The following IHO1 variants were observed in gnomAD, a reference collection of about 807,000 sequenced individuals.
The protein encoded by IHO1 is interactor of HORMAD1 protein 1.
A neutral mutation model predicts 31.0 loss-of-function variants in IHO1; 13 were observed. The observed-to-expected ratio is 0.42, with a 90% CI of 0.27 to 0.67. The LOEUF is 0.67. IHO1 is among the 30% of genes least tolerant of loss of function. The pLI is 0.24. For synonymous variants in IHO1, 221 were observed against 248.4 expected (o/e 0.89, Z 1.04); for missense variants, 599 against 687.5 (o/e 0.87, Z 1.44).
chr3:49,244,767 G>A (rs1479961236), intron 6 of IHO1, 34 bp downstream of exon 6: 4 of 1,547,908 alleles, frequency 2.6e-6, no homozygotes, highest in Non-Finnish European at 3.6e-6. Context: ...TCAGCAGAGG[G>A]CACTGGTGAA....
intron 2 of IHO1, chr3:49,214,026 A>G (rs762324759): frequency 3.2e-5 from 11 of 340,984 alleles, no homozygotes; most frequent in African/African-American, 1.7e-4. Flanking sequence ...TCTTCTCTTC[A>G]TCTCTTCTGT....
chr3:49,255,945 C>T (rs915241441), intron 7 of IHO1, among the ~76,000 whole-genome samples, 189 bp from the exon 8 acceptor site: 5 of 152,094 alleles, frequency 3.3e-5, no homozygotes, highest in Non-Finnish European at 7.4e-5. Flanking sequence ...CTTCCTTCCC[C>T]AAGGTTCCTT....
At chr3:49,207,905 C>G (rs1456628480) in intron 1 of IHO1, among the ~76,000 whole-genome samples, 1 of 151,944 alleles carries the variant, frequency 6.6e-6, no homozygotes, top group Non-Finnish European at 1.5e-5. Flanking sequence ...TCCTGAGTAG[C>G]TGGGACTACA....
chr3:49,240,234 CT>C (rs1351273961), intron 3 of IHO1, among the ~76,000 whole-genome samples: 1 of 151,476 alleles, frequency 6.6e-6, no homozygotes, highest in Admixed American at 6.6e-5. Flanking sequence ...GTTTTTGTTT[CT>C]GTTTTGAGAC....
intron 6 of IHO1, among the ~76,000 whole-genome samples, chr3:49,254,054 G>A (rs757971632): frequency 5.3e-5 from 8 of 151,946 alleles, no homozygotes; most frequent in Non-Finnish European, 8.8e-5. Context: ...GGCTGGTTTC[G>A]AACTCCTGAC....
At chr3:49,193,314 G>A in the IHO1 span, among the ~76,000 whole-genome samples, 4 of 151,886 alleles carry the variant, frequency 2.6e-5, no homozygotes, top group Non-Finnish European at 5.9e-5. Context: ...GGAGACTGCA[G>A]TAAATGGAGA....
At chr3:49,191,669 C>A in the IHO1 span, 2,554 of 1,506,582 alleles carry the variant, frequency 1.7e-3, 8 homozygotes, top group Middle Eastern at 0.011. Context: ...CTTTTCACTT[C>A]ACCGGCATGA....
At chr3:49,200,442 G>GAA (rs2046040139) in intron 1 of IHO1, 8 of 338,102 alleles carry the variant, frequency 2.4e-5, no homozygotes, top group East Asian at 2.3e-4. Flanking sequence ...TCCAGCCTGG[G>GAA]CGACAGAGTG....
intron 7 of IHO1, 150 bp downstream of exon 7, chr3:49,255,643 A>G (rs1390356611): frequency 5.9e-6 from 3 of 504,386 alleles, no homozygotes; most frequent in Non-Finnish European, 1.0e-5. Flanking sequence ...TCCGCCTCCC[A>G]TGTTCAAGCA....
At chr3:49,215,753 G>C (rs566639047) in intron 2 of IHO1, among the ~76,000 whole-genome samples, 1 of 152,200 alleles carries the variant, frequency 6.6e-6, no homozygotes, top group African/African-American at 2.4e-5. Context: ...ACAAGAACTA[G>C]GGAGGGGCAA....
intron 6 of IHO1, among the ~76,000 whole-genome samples, chr3:49,252,717 G>A (rs1297325829): frequency 1.3e-5 from 2 of 152,114 alleles, no homozygotes; most frequent in African/African-American, 2.4e-5. Context: ...GAGCCACTGT[G>A]CCCAGCCTGT....
At chr3:49,205,596 A>ATT (rs376808702) in intron 1 of IHO1, among the ~76,000 whole-genome samples, 8 of 138,602 alleles carry the variant, frequency 5.8e-5, no homozygotes, top group African/African-American at 8.0e-5. Flanking sequence ...CCTGGCCGTA[A>ATT]TTTTTTTTTT....
Position 49,252,533 on chromosome 3 carries a change from C to T in IHO1, c.533-2857C>T, listed in dbSNP as rs200876859. ...TCCTGGGATCAAGCAATTCTCCCAC[C>T]TCAGCCTCCCGAGTAGCTAGGACCA... On this transcript the variant is annotated intron_variant, in intron 6 of 7. Coordinates refer to ENST00000452691, the MANE Select transcript of IHO1 (RefSeq NM_001135197.2). Among the ~76,000 whole-genome samples, 48 of 152,234 alleles carry T rather than the reference C, an allele frequency of 3.2e-4. No individual in the cohort carries two copies. In the East Asian group the frequency reaches 9.1e-3, roughly 29 times the overall value.
upstream of IHO1, among the ~76,000 whole-genome samples, chr3:49,194,088 T>G (rs1167657912): frequency 1.3e-5 from 2 of 149,642 alleles, no homozygotes; most frequent in African/African-American, 4.9e-5. Flanking sequence ...GCCAACATGG[T>G]GAAACCCCAT....
intron 2 of IHO1, among the ~76,000 whole-genome samples, chr3:49,229,141 C>T (rs1394630597): frequency 6.6e-6 from 1 of 152,204 alleles, no homozygotes; most frequent in African/African-American, 2.4e-5. Context: ...GCTGCATTTA[C>T]AGTCCTTTAG....
At chr3:49,191,888 G>T in the IHO1 span, 1 of 929,796 alleles carries the variant, frequency 1.1e-6, no homozygotes, top group South Asian at 1.4e-5. Context: ...GGAAGGTTGT[G>T]ACTGCACAAT....
chr3:49,222,442 C>T (rs2046364711), intron 2 of IHO1, among the ~76,000 whole-genome samples: 1 of 152,022 alleles, frequency 6.6e-6, no homozygotes, highest in African/African-American at 2.4e-5. Flanking sequence ...TGCTCTGGAA[C>T]ACGAGATCAT....
At chr3:49,225,982 C>T (rs975079384) in intron 2 of IHO1, among the ~76,000 whole-genome samples, 2 of 152,092 alleles carry the variant, frequency 1.3e-5, no homozygotes, top group Non-Finnish European at 2.9e-5. Flanking sequence ...GGACCTTTGT[C>T]CTCTGGGGTA....
At chr3:49,243,853 T>G (rs2046662525) in intron 4 of IHO1, among the ~76,000 whole-genome samples, 1 of 151,652 alleles carries the variant, frequency 6.6e-6, no homozygotes, top group Admixed American at 6.6e-5. Context: ...ATATTAATAT[T>G]TACATATAAA....
Sources: gnomAD v4.1 joint callset for allele counts (sites outside exome capture counted in the v4.1 genomes callset) on GRCh38, gnomAD v4.1.1 for gene constraint, MANE v1.5 for transcripts, NCBI Gene and HGNC (gene_info 2026-07-23, HGNC 2026-07-21) for gene names.